The following TANC1 variants were observed in gnomAD, a reference collection of about 807,000 sequenced individuals.
The protein encoded by TANC1 is tetratricopeptide repeat, ankyrin repeat and coiled-coil containing 1, also known as protein TANC1.
In TANC1, 77 loss-of-function variants were observed where a neutral mutation model predicts 149.7. The observed-to-expected ratio is 0.51, with a 90% CI of 0.43 to 0.62. The LOEUF is 0.62. TANC1 is among the 20% of genes least tolerant of loss of function. The pLI, the probability that TANC1 is intolerant of heterozygous loss-of-function variation, is 0.00. For missense variants in TANC1, 1,985 were observed against 2,321.8 expected, an observed-to-expected ratio of 0.85 and a Z score of 2.98; for synonymous variants, 854 against 925.0, an observed-to-expected ratio of 0.92 and a Z score of 1.39.
At chr2:159,042,695 T>C (rs1440883295) in intron 2 of TANC1, among the ~76,000 whole-genome samples, 1 of 151,738 alleles carries the variant, frequency 6.6e-6, no homozygotes, top group African/African-American at 2.4e-5. Flanking sequence ...GCAGGTGATA[T>C]TTGAGCTGTA....
chr2:159,046,369 A>G (rs1351560225), intron 2 of TANC1, among the ~76,000 whole-genome samples: 2 of 152,088 alleles, frequency 1.3e-5, no homozygotes, highest in East Asian at 3.9e-4. Context: ...GAATTTTACA[A>G]TTTAGGAGGG....
At chr2:159,144,619 A>G (rs1302616354) in intron 5 of TANC1, among the ~76,000 whole-genome samples, 1 of 152,134 alleles carries the variant, frequency 6.6e-6, no homozygotes, top group East Asian at 1.9e-4. Context: ...CCACTCGAAC[A>G]TCTGATCACT....
At chr2:158,984,961 A>C (rs1340462447) in intron 1 of TANC1, among the ~76,000 whole-genome samples, 2 of 152,200 alleles carry the variant, frequency 1.3e-5, no homozygotes, top group African/African-American at 4.8e-5. Context: ...CCTGTAAGCA[A>C]GTGATAGCTG....
Position 158,995,675 on chromosome 2 carries a change from C to T in TANC1, c.-125-5405C>T, listed in dbSNP as rs535107706. ...CTCCATTCATTTTGCCTCCCTTCCT[C>T]CTCCCTGCCTCTATTTAAATCTTTC... On this transcript the variant is annotated intron_variant, in intron 1 of 26. Coordinates refer to ENST00000263635, the MANE Select transcript of TANC1 (RefSeq NM_033394.3). Among the ~76,000 whole-genome samples the T allele has an allele frequency of 7.2e-5, 11 of 152,338 alleles. 1 individual carries two copies. The South Asian group carries it at 2.3e-3, about 32-fold the overall frequency.
At chr2:159,136,330 A>G (rs1212250021) in intron 5 of TANC1, 32 bp downstream of exon 5, 3 of 1,242,198 alleles carry the variant, frequency 2.4e-6, no homozygotes, top group Non-Finnish European at 3.6e-6. Context: ...TTCCCCCTCT[A>G]CCAAAGATTT....
intron 3 of TANC1, among the ~76,000 whole-genome samples, chr2:159,096,758 C>A (rs542605255): frequency 1.3e-5 from 2 of 152,002 alleles, no homozygotes; most frequent in Admixed American, 1.3e-4. Flanking sequence ...AGCAGGTGAC[C>A]GGGATGAGTC....
At chr2:159,074,572 T>G (rs2043460294) in intron 3 of TANC1, among the ~76,000 whole-genome samples, 1 of 152,224 alleles carries the variant, frequency 6.6e-6, no homozygotes. Flanking sequence ...TTAAGGAATT[T>G]ATGTTAATGC....
At chr2:158,976,835 T>G (rs1471595207) in intron 1 of TANC1, among the ~76,000 whole-genome samples, 1 of 152,002 alleles carries the variant, frequency 6.6e-6, no homozygotes, top group Non-Finnish European at 1.5e-5. Context: ...GAGCCAAGAT[T>G]GTGCCACTGA....
chr2:159,107,135 C>A (rs1000412941), intron 4 of TANC1, among the ~76,000 whole-genome samples: 1 of 152,162 alleles, frequency 6.6e-6, no homozygotes, highest in Non-Finnish European at 1.5e-5. Flanking sequence ...TCAAGCGATT[C>A]TCCTGTCTCA....
chr2:159,090,134 C>T lies in TANC1; in HGVS notation c.62-7503C>T, dbSNP rs75878572. Among the ~76,000 whole-genome samples, 865 of 152,234 alleles carry T rather than the reference C, an allele frequency of 5.7e-3. 5 individuals carry two copies. The highest frequency in any genetic ancestry group is 0.02 in the African/African-American group (814 of 41,548). On this transcript the variant is annotated intron_variant, in intron 3 of 26. Coordinates refer to ENST00000263635, the MANE Select transcript of TANC1 (RefSeq NM_033394.3). ...CCAGAGGCAGCCACTGCTACTGGTT[C>T]GATGTGTATCCTTCTCGAGACCCTC...
chr2:159,044,236 G>A (rs944118043), intron 2 of TANC1, among the ~76,000 whole-genome samples: 4 of 151,988 alleles, frequency 2.6e-5, no homozygotes, highest in Non-Finnish European at 5.9e-5. Context: ...GACCAGCCTG[G>A]GCAACGCAGC....
chr2:159,178,594 A>G lies in TANC1; in HGVS notation c.1941A>G (p.Leu647=). Residue 647 remains leucine (L), a synonymous_variant, in exon 14 of 27, where the codon TTA becomes TTG. Transcript: ENST00000263635. ...CGCTGCCATTTGTCAAGCTTTCCTT[A>G]GATGACTTCCCAGACAACAAAGACA... ...ISALPFVKLS[L]DDFPDNKDIH... is the part of the protein sequence containing the mutation. 6.2e-7 allele frequency: 1 copy of G among 1,600,486 alleles called. No individual in the cohort carries two copies. The highest frequency in any genetic ancestry group is 8.5e-7 in the Non-Finnish European group (1 of 1,174,258).
Position 159,001,426 on chromosome 2 carries a change from C to CTTG in TANC1, c.-16+239_-16+241dup, listed in dbSNP as rs1393442423. 6.6e-6 allele frequency among the ~76,000 whole-genome samples: 1 copy of CTTG among 152,130 alleles called. No individual in the cohort carries two copies. Among genetic ancestry groups the CTTG allele is most frequent in the Non-Finnish European group, 1.5e-5 (1 of 68,034 alleles). On this transcript the variant is annotated intron_variant, in intron 2 of 26. Transcript: ENST00000263635. The surrounding 1 kb of genome is among the most constrained non-coding windows in gnomAD (Gnocchi z 4.3). ...AGTTTCAGTTGGGGAAGACAAAAAACTTGTATAGGTGGATGGTGCTGATGG... is the reference window on the plus strand; with the variant it reads ...AGTTTCAGTTGGGGAAGACAAAAAACTTGTTGTATAGGTGGATGGTGCTGATGG...
intron 19 of TANC1, among the ~76,000 whole-genome samples, chr2:159,213,169 T>C (rs1415367340): frequency 6.6e-6 from 1 of 152,126 alleles, no homozygotes; most frequent in East Asian, 1.9e-4. Flanking sequence ...GTCTGCAGTC[T>C]CTCAAAATAA....
chr2:158,986,249 A>T (rs60394002), intron 1 of TANC1, among the ~76,000 whole-genome samples: 7,863 of 152,046 alleles, frequency 0.052, 644 homozygotes, highest in African/African-American at 0.18. Flanking sequence ...ATGAAAAGGA[A>T]TACTTAGCAG....
At chr2:159,156,577 T>C (rs947623846) in intron 7 of TANC1, among the ~76,000 whole-genome samples, 1 of 152,234 alleles carries the variant, frequency 6.6e-6, no homozygotes, top group Non-Finnish European at 1.5e-5. Context: ...TCTTCTGTTC[T>C]GTGGAGAGTC....
At chr2:158,976,345 G>A (rs148503012) in intron 1 of TANC1, among the ~76,000 whole-genome samples, 215 of 152,270 alleles carry the variant, frequency 1.4e-3, no homozygotes, top group African/African-American at 5.0e-3. Flanking sequence ...ACAACCTGGT[G>A]GAATTGACAG....
At chr2:159,089,189 T>A (rs183385295) in intron 3 of TANC1, among the ~76,000 whole-genome samples, 6 of 152,318 alleles carry the variant, frequency 3.9e-5, no homozygotes, top group South Asian at 2.1e-4. Context: ...ACCAATTGTT[T>A]ATTGCAACAA....
chr2:159,168,669 C>A (rs1271098666), intron 8 of TANC1, among the ~76,000 whole-genome samples: 1 of 151,942 alleles, frequency 6.6e-6, no homozygotes. Flanking sequence ...GTAAACATAA[C>A]TTATTTTTAT....
Sources: allele counts gnomAD v4.1 joint callset (sites outside exome capture counted in the v4.1 genomes callset), GRCh38; gene constraint gnomAD v4.1.1; non-coding constraint Gnocchi (gnomAD v3.1); transcripts MANE v1.5; gene names NCBI Gene and HGNC (gene_info 2026-07-23, HGNC 2026-07-21).